NCKAP1L: variants seen among roughly 807,000 people sequenced by gnomAD.
The protein encoded by NCKAP1L is NCK associated protein 1 like.
NCKAP1L carries 53 observed loss-of-function variants against 139.2 expected under a neutral mutation model. That is an observed-to-expected ratio of 0.38 (90% CI 0.31 to 0.48). NCKAP1L has a LOEUF of 0.48. NCKAP1L is among the 20% of genes least tolerant of loss of function. The pLI is 0.98. For synonymous variants in NCKAP1L, 468 were observed against 499.7 expected, an observed-to-expected ratio of 0.94 and a Z score of 0.85; for missense variants, 1,151 against 1,381.9, an observed-to-expected ratio of 0.83 and a Z score of 2.65.
chr12:54,509,588 A>C, intron 5 of NCKAP1L, 81 bp from the exon 6 acceptor site: 2 of 966,050 alleles, frequency 2.1e-6, no homozygotes, highest in South Asian at 2.7e-5. Flanking sequence ...CTATGCACAT[A>C]TCTTTATCCT....
At chr12:54,530,432 A>G (rs984316659) in intron 22 of NCKAP1L, among the ~76,000 whole-genome samples, 1 of 152,224 alleles carries the variant, frequency 6.6e-6, no homozygotes, top group African/African-American at 2.4e-5. Context: ...GGACTACTAG[A>G]GAAAAGAAGG....
At chr12:54,535,782 C>T (rs546439430) in intron 27 of NCKAP1L, among the ~76,000 whole-genome samples, 1 of 152,214 alleles carries the variant, frequency 6.6e-6, no homozygotes. Flanking sequence ...TTCTTCTTCT[C>T]TCATGGTGGG....
chr12:54,526,424 G>A (rs1181638497), intron 20 of NCKAP1L, 104 bp from the exon 21 acceptor site: 3 of 868,918 alleles, frequency 3.5e-6, no homozygotes, highest in Non-Finnish European at 5.5e-6. Context: ...AATATGTGTA[G>A]TAAAATCCTA....
intron 30 of NCKAP1L, 26 bp from the exon 31 acceptor site, chr12:54,542,549 T>C: frequency 6.5e-7 from 1 of 1,550,276 alleles, no homozygotes; most frequent in East Asian, 2.2e-5. Context: ...CCTGAGGTTC[T>C]CATCTCTTGG....
chr12:54,537,738 G>C (rs1957123394), intron 29 of NCKAP1L, among the ~76,000 whole-genome samples: 1 of 152,154 alleles, frequency 6.6e-6, no homozygotes, highest in Non-Finnish European at 1.5e-5. Context: ...GTGCATTTCT[G>C]TTCCCAGGTA....
At chr12:54,499,566 G>C in intron 2 of NCKAP1L, 101 bp downstream of exon 2, 1 of 686,906 alleles carries the variant, frequency 1.5e-6, no homozygotes, top group East Asian at 2.7e-5. Context: ...GCAGGGGATG[G>C]AGTAGTCTTT....
intron 4 of NCKAP1L, 48 bp from the exon 5 acceptor site, chr12:54,508,341 G>A: frequency 1.2e-6 from 2 of 1,603,174 alleles, no homozygotes; most frequent in Non-Finnish European, 1.7e-6. Flanking sequence ...AGGAGATCCA[G>A]GTTAATTGGC....
At chr12:54,518,199 G>A (rs3782401) in intron 13 of NCKAP1L, among the ~76,000 whole-genome samples, 34,610 of 151,876 alleles carry the variant, frequency 0.23, 4,484 homozygotes, top group East Asian at 0.53. Context: ...AAAATTAGCC[G>A]GGCATGGTGG....
chr12:54,503,733 G>A (rs1956820314), intron 3 of NCKAP1L, among the ~76,000 whole-genome samples: 1 of 151,442 alleles, frequency 6.6e-6, no homozygotes, highest in African/African-American at 2.4e-5. Flanking sequence ...TCCGCCTTTG[G>A]GTTAAAGCGA....
chr12:54,519,258 C>T lies in NCKAP1L; in HGVS notation c.1551C>T (p.Leu517=). Residue 517 remains leucine, a synonymous_variant, in exon 16 of 31, where the codon CTC becomes CTT. Coordinates refer to ENST00000293373, the MANE Select transcript of NCKAP1L (RefSeq NM_005337.5). The part of the protein sequence containing the change: ...ENPDLAKVMN[L]IVFHSRMLDS... ...CTGACTTAGCCAAGGTGATGAACCT[C>T]ATTGTCTTCCACTCCCGAATGCTGG... is the stretch of plus-strand genomic sequence containing the variant. 3 of 1,591,400 alleles carry T rather than the reference C, an allele frequency of 1.9e-6. No homozygotes were observed. In the South Asian group the frequency reaches 3.5e-5, roughly 18 times the overall value.
At chr12:54,531,190 C>A in intron 22 of NCKAP1L, 70 bp from the exon 23 acceptor site, 2 of 1,156,866 alleles carry the variant, frequency 1.7e-6, no homozygotes, top group Non-Finnish European at 2.6e-6. Flanking sequence ...TTCAAATTAC[C>A]CTATAGCTGT....
intron 14 of NCKAP1L, 44 bp from the exon 15 acceptor site, chr12:54,518,870 T>C (rs780331654): frequency 4.5e-6 from 7 of 1,549,414 alleles, no homozygotes; most frequent in Non-Finnish European, 6.2e-6. Context: ...TGGATATTGG[T>C]GTGCTGTTTA....
chr12:54,536,431 GA>G, intron 28 of NCKAP1L, 186 bp downstream of exon 28: 5 of 497,356 alleles, frequency 1.0e-5, no homozygotes, highest in Non-Finnish European at 1.5e-5. Flanking sequence ...AGGCCAAGGT[GA>G]GGTGGGTAGA....
chr12:54,531,762 G>C lies in NCKAP1L; in HGVS notation c.2718G>C (p.Lys906Asn), dbSNP rs368974531. 3.7e-6 allele frequency: 6 copies of C among 1,612,660 alleles called. No individual in the cohort carries two copies. The highest frequency in any genetic ancestry group is 4.5e-5 in the East Asian group (2 of 44,778). ...CCTCAGGGGCTGAAAATGTGCTAAA[G>C]CGCATGACCATCATTGGGGTTATCC... ...PQLTGAENVL[K>N]RMTIIGVILS... Residue 906 changes from lysine to asparagine, a missense_variant, in exon 25 of 31, where the codon AAG (lysine) becomes AAC (asparagine). Physicochemically the swap from Lys to Asn is moderately conservative, Grantham distance 94. Transcript: ENST00000293373.
chr12:54,502,048 G>A (rs1452766642), intron 3 of NCKAP1L, among the ~76,000 whole-genome samples: 3 of 152,020 alleles, frequency 2.0e-5, no homozygotes, highest in Non-Finnish European at 4.4e-5. Context: ...TTGAAGAAAT[G>A]TCTGTTTCAT....
At chr12:54,531,230 C>T (rs112130608) in intron 22 of NCKAP1L, 30 bp from the exon 23 acceptor site, 20 of 1,551,308 alleles carry the variant, frequency 1.3e-5, no homozygotes, top group African/African-American at 1.1e-4. Context: ...CTTCTGAGTC[C>T]CATCTGGGGC....
intron 13 of NCKAP1L, among the ~76,000 whole-genome samples, 198 bp downstream of exon 13, chr12:54,518,136 C>T (rs1328925923): frequency 1.3e-5 from 2 of 151,884 alleles, no homozygotes; most frequent in African/African-American, 2.4e-5. Context: ...GTCAGGAGAT[C>T]GAGACCATCC....
At chr12:54,519,731 G>T (rs996059108) in intron 16 of NCKAP1L, among the ~76,000 whole-genome samples, 44 of 152,228 alleles carry the variant, frequency 2.9e-4, no homozygotes, top group African/African-American at 1.0e-3. Flanking sequence ...TTAAGTGATA[G>T]GAATTTGAAG....
At chr12:54,517,091 C>T (rs1163741869) in intron 11 of NCKAP1L, 99 bp downstream of exon 11, 5 of 978,692 alleles carry the variant, frequency 5.1e-6, no homozygotes, top group African/African-American at 1.6e-5. Context: ...AGTCTTTTGT[C>T]ATTCATTTGT....
Sources: allele counts gnomAD v4.1 joint callset (sites outside exome capture counted in the v4.1 genomes callset), GRCh38; gene constraint gnomAD v4.1.1; transcripts MANE v1.5; gene names NCBI Gene and HGNC (gene_info 2026-07-23, HGNC 2026-07-21).